Variants in VAV2 observed in about 807,000 individuals in gnomAD.
VAV2 encodes vav guanine nucleotide exchange factor 2.
A neutral mutation model predicts 132.5 loss-of-function variants in VAV2; 67 were observed. The observed-to-expected ratio is 0.51, with a 90% CI of 0.42 to 0.62. VAV2 has a LOEUF of 0.62. Ranked by LOEUF, VAV2 falls within the 20% of genes least tolerant of loss-of-function variation. The probability of loss-of-function intolerance (pLI) is 0.00; values close to 1 mark genes in which losing one functional copy is unlikely to be tolerated. For missense variants in VAV2, 938 were observed against 1,153.6 expected (o/e 0.81, Z 2.71); for synonymous variants, 492 against 443.5 (o/e 1.11, Z -1.37).
chr9:133,797,636 G>A, intron 10 of VAV2, 74 bp downstream of exon 10: 2 of 1,307,224 alleles, frequency 1.5e-6, no homozygotes, highest in Non-Finnish European at 2.1e-6. Flanking sequence ...GAGAGAGGCT[G>A]GTACCTAACG....
rs144812558 is a variant in VAV2, at chr9:133,807,822, G to C, written c.667-496C>G. ...CGGTGGTGGGGCAGGCTGTGGACGA[G>C]AGTCCTCCAGCTCCAGCCTCAGGCG... On this transcript the variant is annotated intron_variant, in intron 7 of 29. Transcript: ENST00000371850. Among the ~76,000 whole-genome samples, 149 of 152,310 alleles carry C rather than the reference G, an allele frequency of 9.8e-4. No individual in the cohort carries two copies. In the East Asian group the frequency reaches 0.024, roughly 25 times the overall value.
At position 133,788,243 on chromosome 9, in the gene VAV2, C is replaced by CCCCCCAA; in HGVS notation, c.1407+110_1407+111insTTGGGGG. 1.5e-6 allele frequency: 2 copies of CCCCCCAA among 1,310,486 alleles called. No individual in the cohort carries two copies. The highest frequency in any genetic ancestry group is 2.1e-6 in the Non-Finnish European group (2 of 948,764). 81.2% of individuals were successfully genotyped at this position (1,310,486 alleles called of 1,614,324 possible). ...AGACGCCCACCCCAACCCACCCGGC[C>CCCCCCAA]AGCATCAGCGGCTGACTTCGAGTCC... On this transcript the variant is annotated intron_variant, in intron 15 of 29. Transcript: ENST00000371850. This position sits in a 1 kb window ranked among gnomAD's most constrained non-coding sequence, Gnocchi z 5.3.
rs1420992493 is a variant in VAV2, at chr9:133,764,038, C to T, written c.*24G>A. ...GGAGTGACTCTCCCAAGAAAATCTG[C>T]GAGTCTTGTCCACGTTCCTGCCGTC... On this transcript the variant is annotated 3_prime_UTR_variant, in exon 30 of 30. Coordinates refer to ENST00000371850, the MANE Select transcript of VAV2 (RefSeq NM_001134398.2). The T allele has an allele frequency of 2.5e-6, 4 of 1,613,864 alleles. No individual in the cohort carries two copies. The highest frequency in any genetic ancestry group is 3.4e-6 in the Non-Finnish European group (4 of 1,179,878).
At chr9:133,781,806 C>T (rs1034710897) in intron 19 of VAV2, among the ~76,000 whole-genome samples, 7 of 152,178 alleles carry the variant, frequency 4.6e-5, no homozygotes, top group African/African-American at 1.7e-4. Flanking sequence ...GGACACAGGC[C>T]CCTGGGGAGA....
At chr9:133,829,952 T>C (rs1022808883) in intron 4 of VAV2, among the ~76,000 whole-genome samples, 1 of 152,208 alleles carries the variant, frequency 6.6e-6, no homozygotes, top group Non-Finnish European at 1.5e-5. Flanking sequence ...CATCTTAATA[T>C]GTTTCCAGCT....
At chr9:133,898,224 C>T (rs1057153269) in intron 2 of VAV2, among the ~76,000 whole-genome samples, 9 of 152,080 alleles carry the variant, frequency 5.9e-5, no homozygotes, top group Admixed American at 1.3e-4. Context: ...CACCGGCAGC[C>T]GACAGGGTGG....
intron 1 of VAV2, among the ~76,000 whole-genome samples, chr9:133,952,065 G>A (rs1230680573): frequency 6.6e-6 from 1 of 152,030 alleles, no homozygotes; most frequent in Admixed American, 6.6e-5. Flanking sequence ...TCCTATTCAT[G>A]AAGGGTCCGC....
At chr9:133,967,675 T>C (rs1842189045) in intron 1 of VAV2, among the ~76,000 whole-genome samples, 1 of 152,136 alleles carries the variant, frequency 6.6e-6, no homozygotes, top group African/African-American at 2.4e-5. Flanking sequence ...CTCACACCTA[T>C]AATCCCAGCA....
intron 2 of VAV2, among the ~76,000 whole-genome samples, chr9:133,888,463 A>G (rs575756698): frequency 6.6e-6 from 1 of 152,332 alleles, no homozygotes; most frequent in East Asian, 1.9e-4. Context: ...TTTTGAACCC[A>G]AGGCCAAACA....
rs1203573105 is a variant in VAV2 at position 133,833,227 on chromosome 9, GAA to G, written c.449+1043_449+1044del. Reference sequence around the variant, plus strand: ...TGTGTATATACACAGGGATCCTGCGGAAAGTATTTTCCTGGGCCCTGCAAGCT... The same window carrying G: ...TGTGTATATACACAGGGATCCTGCGGAGTATTTTCCTGGGCCCTGCAAGCT... On this transcript the variant is annotated intron_variant, in intron 4 of 29. Coordinates refer to ENST00000371850, the MANE Select transcript of VAV2 (RefSeq NM_001134398.2). The surrounding 1 kb of genome is among the most constrained non-coding windows in gnomAD (Gnocchi z 5.6). Among the ~76,000 whole-genome samples the G allele has an allele frequency of 6.6e-6, 1 of 152,174 alleles. No homozygotes were observed. Among genetic ancestry groups the G allele is most frequent in the Admixed American group, 6.5e-5 (1 of 15,288 alleles).
chr9:133,825,976 G>T (rs955879923), intron 4 of VAV2, among the ~76,000 whole-genome samples: 6 of 152,218 alleles, frequency 3.9e-5, no homozygotes, highest in African/African-American at 1.4e-4. Flanking sequence ...ATTTTATGAT[G>T]CAATAAAGCA....
In VAV2 at chr9:133,762,052, A is replaced by C. The variant is rs1273506191; in HGVS notation, c.*2010T>G. 6.6e-6 allele frequency: 1 copy of C among 152,580 alleles called. No individual in the cohort carries two copies. Among genetic ancestry groups the C allele is most frequent in the Non-Finnish European group, 1.5e-5 (1 of 68,034 alleles). 9.5% of individuals were successfully genotyped at this position (152,580 alleles called of 1,614,324 possible). A position where few individuals can be genotyped will look rare whatever the true frequency, so the allele number is the denominator to read the frequency against. ...TCGGGCTCCCACATGTTCACAGCTAATCTCAGGCCCCTGCAGTTTAGCCCC... is the reference window on the plus strand; with the variant it reads ...TCGGGCTCCCACATGTTCACAGCTACTCTCAGGCCCCTGCAGTTTAGCCCC... On this transcript the variant is annotated 3_prime_UTR_variant, in exon 30 of 30. Coordinates refer to ENST00000371850, the MANE Select transcript of VAV2 (RefSeq NM_001134398.2). The surrounding 1 kb of genome is among the most constrained non-coding windows in gnomAD (Gnocchi z 5.0).
chr9:133,910,078 T>G (rs1406890140), intron 2 of VAV2, among the ~76,000 whole-genome samples: 1 of 152,192 alleles, frequency 6.6e-6, no homozygotes, highest in Non-Finnish European at 1.5e-5. Flanking sequence ...CTGGAGCTTC[T>G]GAAAAGTCGG....
At chr9:133,890,525 C>G (rs2519767) in intron 2 of VAV2, among the ~76,000 whole-genome samples, 5 of 151,750 alleles carry the variant, frequency 3.3e-5, no homozygotes, top group Admixed American at 1.3e-4. Flanking sequence ...GACCGCCCCC[C>G]ACCACCCCCT....
At chr9:133,881,236 CAG>C (rs1291144431) in intron 2 of VAV2, among the ~76,000 whole-genome samples, 2 of 152,264 alleles carry the variant, frequency 1.3e-5, no homozygotes, top group Non-Finnish European at 2.9e-5. Context: ...GCTCCAGACA[CAG>C]AGAGATGCGG....
At position 133,862,382 on chromosome 9, in the gene VAV2, C is replaced by T. The variant is rs146769083; in HGVS notation, c.322-950G>A. Among the ~76,000 whole-genome samples, 66 of 152,360 alleles carry T rather than the reference C, an allele frequency of 4.3e-4. No individual in the cohort carries two copies. In the East Asian group the frequency reaches 0.013, roughly 29 times the overall value. Reference sequence around the variant, plus strand: ...ACATGAGATGGGCGGGAAGCTGTCACAACTCACGGGGTGAATGGAGCTCCT... The same window carrying T: ...ACATGAGATGGGCGGGAAGCTGTCATAACTCACGGGGTGAATGGAGCTCCT... On this transcript the variant is annotated intron_variant, in intron 2 of 29. Transcript: ENST00000371850.
rs1417080827 is a variant in VAV2, at chr9:133,833,600, GC to G, written c.449+671del. On this transcript the variant is annotated intron_variant, in intron 4 of 29. Transcript: ENST00000371850. This position sits in a 1 kb window ranked among gnomAD's most constrained non-coding sequence, Gnocchi z 5.6. ...CCCAGGTCCCTCACCTGCAGGTGAG[GC>G]CCCTTCCTCCTACCCTCCTACCTCC... 6.6e-6 allele frequency among the ~76,000 whole-genome samples: 1 copy of G among 152,106 alleles called. No individual in the cohort carries two copies. Among genetic ancestry groups the G allele is most frequent in the African/African-American group, 2.4e-5 (1 of 41,432 alleles).
intron 2 of VAV2, among the ~76,000 whole-genome samples, chr9:133,871,467 CGGATGGAT>C (rs149156422): frequency 0.016 from 2,284 of 141,008 alleles, 31 homozygotes; most frequent in South Asian, 0.021. Flanking sequence ...GATGGAGAAG[CGGATGGAT>C]GGATGGATGG....
intron 3 of VAV2, among the ~76,000 whole-genome samples, chr9:133,851,805 ATG>A (rs1837184380): frequency 8.3e-6 from 1 of 120,070 alleles, no homozygotes; most frequent in Non-Finnish European, 1.5e-5. Context: ...GAATAAATGG[ATG>A]GATGGATGGA....
Sources: allele counts gnomAD v4.1 joint callset (sites outside exome capture counted in the v4.1 genomes callset), GRCh38; gene constraint gnomAD v4.1.1; non-coding constraint Gnocchi (gnomAD v3.1); transcripts MANE v1.5; gene names NCBI Gene and HGNC (gene_info 2026-07-23, HGNC 2026-07-21).